Variants in QTGAL observed in about 807,000 individuals in gnomAD.
The protein encoded by QTGAL is queuosine-tRNA galactosyltransferase.
At chr17:83,034,086 G>A in the QTGAL span, among the ~76,000 whole-genome samples, 1 of 152,096 alleles carries the variant, frequency 6.6e-6, no homozygotes, top group South Asian at 2.1e-4. Context: ...GATTACAGGC[G>A]CACACCACCA....
the QTGAL span, among the ~76,000 whole-genome samples, chr17:82,970,552 C>A: frequency 4.5e-5 from 6 of 132,068 alleles, no homozygotes; most frequent in African/African-American, 2.1e-4. Flanking sequence ...CCGCACCCGG[C>A]GTGGCCGCGA....
At chr17:83,028,440 C>T in the QTGAL span, among the ~76,000 whole-genome samples, 2 of 147,842 alleles carry the variant, frequency 1.4e-5, no homozygotes, top group African/African-American at 5.0e-5. Flanking sequence ...AGGAGAATGG[C>T]GTGAACCCCA....
chr17:82,997,432 G>A, the QTGAL span, among the ~76,000 whole-genome samples: 1,851 of 152,228 alleles, frequency 0.012, 42 homozygotes, highest in African/African-American at 0.042. Context: ...GTACAATGTC[G>A]GTGGGAATGT....
the QTGAL span, among the ~76,000 whole-genome samples, chr17:83,043,708 A>ACAATAG: frequency 6.6e-6 from 1 of 152,222 alleles, no homozygotes; most frequent in Non-Finnish European, 1.5e-5. Context: ...TAGCAAATCA[A>ACAATAG]CAAAAAGAGT....
At chr17:82,962,651 GGACCCTCGCAGGGGTCACT>G in the QTGAL span, among the ~76,000 whole-genome samples, 1 of 123,252 alleles carries the variant, frequency 8.1e-6, no homozygotes, top group Non-Finnish European at 1.9e-5. Context: ...TGGTGGACAC[GGACCCTCGCAGGGGTCACT>G]GAGGTATTTT....
chr17:82,977,284 G>T, the QTGAL span, among the ~76,000 whole-genome samples: 1 of 152,296 alleles, frequency 6.6e-6, no homozygotes, highest in Middle Eastern at 3.4e-3. Context: ...GCCCCGACAC[G>T]GACCGTGTTT....
At chr17:83,044,157 C>T in the QTGAL span, among the ~76,000 whole-genome samples, 5 of 152,246 alleles carry the variant, frequency 3.3e-5, no homozygotes, top group African/African-American at 4.8e-5. Context: ...ACTCTGATAC[C>T]GAAGCCACAC....
chr17:83,000,716 A>G, the QTGAL span, among the ~76,000 whole-genome samples: 5 of 152,184 alleles, frequency 3.3e-5, no homozygotes, highest in Non-Finnish European at 7.3e-5. Flanking sequence ...ACATCTCCAA[A>G]AACCTCTCCA....
the QTGAL span, chr17:82,965,702 G>T: frequency 6.2e-7 from 1 of 1,612,830 alleles, no homozygotes; most frequent in Non-Finnish European, 8.5e-7. Context: ...CTCGCGAGCA[G>T]AACCAGGTGG....
the QTGAL span, among the ~76,000 whole-genome samples, chr17:83,002,956 CTCT>C: frequency 8.2e-5 from 1 of 12,238 alleles, no homozygotes; most frequent in Non-Finnish European, 1.8e-4. Flanking sequence ...CGCCCTCCCA[CTCT>C]CCGCAGTCCG....
At chr17:82,967,722 C>T in the QTGAL span, among the ~76,000 whole-genome samples, 5 of 151,950 alleles carry the variant, frequency 3.3e-5, no homozygotes, top group African/African-American at 4.8e-5. Context: ...GCGGGAGAAT[C>T]GCTTGAGCCC....
At chr17:82,994,179 T>C in the QTGAL span, among the ~76,000 whole-genome samples, 4 of 151,842 alleles carry the variant, frequency 2.6e-5, no homozygotes, top group African/African-American at 9.7e-5. Context: ...GAATTCAACA[T>C]AAAGAAAATA....
chr17:83,005,105 G>A, the QTGAL span: 1 of 1,595,752 alleles, frequency 6.3e-7, no homozygotes, highest in Non-Finnish European at 8.6e-7. This position sits in a 1 kb window ranked among gnomAD's most constrained non-coding sequence, Gnocchi z 5.6. Flanking sequence ...CAAGGCGCCA[G>A]GCGAGGTACC....
chr17:82,989,768 T>C, the QTGAL span, among the ~76,000 whole-genome samples: 3 of 152,108 alleles, frequency 2.0e-5, no homozygotes, highest in East Asian at 3.8e-4. Flanking sequence ...AACACAAGCA[T>C]AGTGATTGTA....
chr17:83,044,937 C>A, the QTGAL span, among the ~76,000 whole-genome samples: 1 of 140,568 alleles, frequency 7.1e-6, no homozygotes. Flanking sequence ...CACAGTGAGA[C>A]TCTGTCTCAA....
At chr17:83,043,268 G>A in the QTGAL span, among the ~76,000 whole-genome samples, 1 of 152,124 alleles carries the variant, frequency 6.6e-6, no homozygotes, top group African/African-American at 2.4e-5. Flanking sequence ...TGACACGTCC[G>A]GCCATAAAAT....
At chr17:83,035,966 C>T in the QTGAL span, among the ~76,000 whole-genome samples, 3 of 151,948 alleles carry the variant, frequency 2.0e-5, no homozygotes, top group Admixed American at 6.6e-5. Context: ...GGGCTGGACG[C>T]GTGGTGGGTG....
the QTGAL span, among the ~76,000 whole-genome samples, chr17:82,997,930 AAT>A: frequency 2.2e-4 from 29 of 131,632 alleles, no homozygotes; most frequent in African/African-American, 6.1e-4. Context: ...TAAAAAAAAA[AAT>A]ATATATATAT....
chr17:82,956,568 T>TC, the QTGAL span: 1 of 1,099,144 alleles, frequency 9.1e-7, no homozygotes, highest in Non-Finnish European at 1.3e-6. This position sits in a 1 kb window ranked among gnomAD's most constrained non-coding sequence, Gnocchi z 5.7. Context: ...GTGGCACCTG[T>TC]CCCCATGCCC....
Sources: gnomAD v4.1 joint callset for allele counts (sites outside exome capture counted in the v4.1 genomes callset) on GRCh38, gnomAD v4.1.1 for gene constraint, Gnocchi (gnomAD v3.1) non-coding constraint, MANE v1.5 for transcripts, NCBI Gene and HGNC (gene_info 2026-07-23, HGNC 2026-07-21) for gene names.